The following DLC1 variants were observed in gnomAD, a reference collection of about 807,000 sequenced individuals.
DLC1 encodes rho GTPase-activating protein 7.
In DLC1, 54 loss-of-function variants were observed where a neutral mutation model predicts 140.3. The observed-to-expected ratio is 0.38, with a 90% CI of 0.31 to 0.48. The LOEUF (loss-of-function observed/expected upper bound fraction) is 0.48. Ranked by LOEUF, DLC1 falls within the 20% of genes least tolerant of loss-of-function variation. The pLI is 0.96. For synonymous variants in DLC1, 986 were observed against 728.1 expected (o/e 1.35, Z -5.70); for missense variants, 2,536 against 1,907.0 (o/e 1.33, Z -6.14).
intron 2 of DLC1, among the ~76,000 whole-genome samples, chr8:13,423,296 C>T (rs1255724509): frequency 1.3e-5 from 2 of 152,132 alleles, no homozygotes; most frequent in Non-Finnish European, 1.5e-5. Flanking sequence ...ACATTTTCTG[C>T]TCTTCCTGTG....
At chr8:13,291,001 C>T (rs764847252) in intron 5 of DLC1, among the ~76,000 whole-genome samples, 33 of 152,162 alleles carry the variant, frequency 2.2e-4, no homozygotes, top group Non-Finnish European at 3.4e-4. Context: ...CTCTGCCTCC[C>T]GGGTTCAAGG....
chr8:13,223,442 T>A (rs1204536354), intron 5 of DLC1, among the ~76,000 whole-genome samples: 1 of 152,224 alleles, frequency 6.6e-6, no homozygotes, highest in African/African-American at 2.4e-5. Context: ...GTTTATTTTG[T>A]ATCTTTCCCT....
At chr8:13,399,810 C>T (rs990474541) in intron 3 of DLC1, among the ~76,000 whole-genome samples, 1 of 152,046 alleles carries the variant, frequency 6.6e-6, no homozygotes, top group Non-Finnish European at 1.5e-5. Context: ...ATATGCAGAA[C>T]TTCTTCTGGC....
chr8:13,555,624 T>A (rs1426359875), intron 1 of DLC1, among the ~76,000 whole-genome samples: 1 of 151,936 alleles, frequency 6.6e-6, no homozygotes, highest in East Asian at 1.9e-4. Flanking sequence ...CCCAAGTAGC[T>A]GAGACTACAG....
intron 4 of DLC1, among the ~76,000 whole-genome samples, chr8:13,305,861 C>T (rs1282600824): frequency 6.6e-6 from 1 of 150,910 alleles, no homozygotes; most frequent in Non-Finnish European, 1.5e-5. Context: ...ACAACATTGG[C>T]AATAAATGAA....
intron 2 of DLC1, among the ~76,000 whole-genome samples, chr8:13,408,812 A>G (rs182123206): frequency 6.6e-6 from 1 of 152,180 alleles, no homozygotes; most frequent in Admixed American, 6.5e-5. Flanking sequence ...ATTTTTTACA[A>G]TACTTAGTAA....
At chr8:13,248,034 G>A (rs553528162) in intron 5 of DLC1, among the ~76,000 whole-genome samples, 7 of 152,216 alleles carry the variant, frequency 4.6e-5, no homozygotes, top group Non-Finnish European at 1.0e-4. Flanking sequence ...AAAACACAGT[G>A]CAAGTTATTT....
chr8:13,186,744 A>G lies in DLC1; in HGVS notation c.1349-71087T>C, dbSNP rs572124618. On this transcript the variant is annotated intron_variant, in intron 5 of 17. Transcript: ENST00000276297. ...GGAGAAGAGGCACTCTGAGTTTTAG[A>G]ATTTTCAGCTTTTCTGCTCTGGTTT... 4.6e-5 allele frequency among the ~76,000 whole-genome samples: 7 copies of G among 152,284 alleles called. No individual in the cohort carries two copies. The East Asian group carries it at 1.2e-3, about 25-fold the overall frequency.
intron 4 of DLC1, among the ~76,000 whole-genome samples, chr8:13,319,048 C>G (rs997210386): frequency 3.3e-5 from 5 of 152,110 alleles, no homozygotes; most frequent in Admixed American, 3.3e-4. Flanking sequence ...CTTTTGCAGA[C>G]CTGGAATTCT....
chr8:13,327,602 G>A (rs1833421480), intron 4 of DLC1, among the ~76,000 whole-genome samples: 1 of 151,914 alleles, frequency 6.6e-6, no homozygotes, highest in Admixed American at 6.6e-5. Flanking sequence ...ATAGGCTTAA[G>A]CCACTGTCCC....
chr8:13,441,244 C>G (rs1798497023), intron 2 of DLC1, among the ~76,000 whole-genome samples: 1 of 152,174 alleles, frequency 6.6e-6, no homozygotes, highest in Admixed American at 6.5e-5. Context: ...AAACCCACAG[C>G]CAATATTATA....
intron 5 of DLC1, among the ~76,000 whole-genome samples, chr8:13,209,614 C>T (rs760025200): frequency 3.3e-5 from 5 of 152,114 alleles, no homozygotes; most frequent in Non-Finnish European, 7.4e-5. Context: ...GTGGAGTGTT[C>T]GGGTCTTGGG....
intron 2 of DLC1, among the ~76,000 whole-genome samples, chr8:13,493,592 T>G (rs1234940355): frequency 6.6e-6 from 1 of 152,242 alleles, no homozygotes; most frequent in African/African-American, 2.4e-5. Flanking sequence ...TTCTAGCTAT[T>G]TGAAACTATG....
intron 5 of DLC1, among the ~76,000 whole-genome samples, chr8:13,147,764 C>G (rs1051652374): frequency 6.6e-6 from 1 of 151,986 alleles, no homozygotes; most frequent in African/African-American, 2.4e-5. Context: ...CCTAGGCGGG[C>G]GGATCATGAG....
intron 1 of DLC1, among the ~76,000 whole-genome samples, chr8:13,547,989 C>T (rs907682633): frequency 6.6e-6 from 1 of 151,970 alleles, no homozygotes; most frequent in Admixed American, 6.6e-5. Context: ...ACCTATAGTT[C>T]TACATGCATG....
At position 13,318,215 on chromosome 8, in the gene DLC1, T is replaced by C. The variant is rs566737127; in HGVS notation, c.1315-12913A>G. 1.8e-3 allele frequency among the ~76,000 whole-genome samples: 263 copies of C among 149,476 alleles called. 1 individual carries two copies. The highest frequency in any genetic ancestry group is 3.4e-3 in the Middle Eastern group (1 of 292). The stretch of plus-strand genomic sequence containing the variant: ...AATTAAAATTTTTTTTTTTTTTTTT[T>C]CAGAGAAGGAGTCTTGCTATATTTT... On this transcript the variant is annotated intron_variant, in intron 4 of 17. Coordinates refer to ENST00000276297, the MANE Select transcript of DLC1 (RefSeq NM_182643.3).
chr8:13,264,916 A>G (rs930559162), intron 5 of DLC1, among the ~76,000 whole-genome samples: 9 of 152,240 alleles, frequency 5.9e-5, no homozygotes, highest in African/African-American at 1.9e-4. Flanking sequence ...TGCATGGCCC[A>G]TTAACTACAG....
At chr8:13,178,633 T>C (rs1310418704) in intron 5 of DLC1, among the ~76,000 whole-genome samples, 2 of 133,266 alleles carry the variant, frequency 1.5e-5, no homozygotes, top group African/African-American at 6.0e-5. Flanking sequence ...AAAGACACCA[T>C]TAAGAGAGTG....
intron 5 of DLC1, among the ~76,000 whole-genome samples, chr8:13,138,558 T>C (rs1401461614): frequency 6.6e-6 from 1 of 152,192 alleles, no homozygotes; most frequent in Non-Finnish European, 1.5e-5. Context: ...CAATGCAGCA[T>C]TGCAAAATTA....
Sources: gnomAD v4.1 joint callset for allele counts (sites outside exome capture counted in the v4.1 genomes callset) on GRCh38, gnomAD v4.1.1 for gene constraint, MANE v1.5 for transcripts, NCBI Gene and HGNC (gene_info 2026-07-23, HGNC 2026-07-21) for gene names.